Variants in ST3GAL3 observed in about 807,000 individuals in gnomAD.
The protein encoded by ST3GAL3 is CMP-N-acetylneuraminate-beta-1,4-galactoside alpha-2,3-sialyltransferase.
Under a neutral mutation model 50.1 loss-of-function variants are expected in ST3GAL3, and 21 were observed. The ratio of observed to expected loss-of-function variants is 0.42; its 90% CI spans 0.30 to 0.60. ST3GAL3 has a LOEUF of 0.60. Among genes scored for constraint, ST3GAL3 ranks in the 20% least tolerant of loss-of-function variants. The probability of loss-of-function intolerance (pLI) is 0.19; values close to 1 mark genes in which losing one functional copy is unlikely to be tolerated. For missense variants in ST3GAL3, 353 were observed against 489.4 expected (o/e 0.72, Z 2.63); for synonymous variants, 183 against 190.0 (o/e 0.96, Z 0.30).
intron 5 of ST3GAL3, chr1:43,858,451 A>T: frequency 6.0e-6 from 4 of 666,832 alleles, no homozygotes; most frequent in Non-Finnish European, 8.4e-6. Flanking sequence ...GGCTGGCTGC[A>T]TTCCTGTGGT....
chr1:43,887,528 G>A (rs1384226909), intron 5 of ST3GAL3, among the ~76,000 whole-genome samples: 1 of 152,190 alleles, frequency 6.6e-6, no homozygotes, highest in Admixed American at 6.5e-5. Context: ...AAGTGATGAA[G>A]AGTTTCAGAA....
intron 1 of ST3GAL3, among the ~76,000 whole-genome samples, chr1:43,713,487 T>A: frequency 6.6e-6 from 1 of 151,430 alleles, no homozygotes; most frequent in Non-Finnish European, 1.5e-5. Flanking sequence ...TCACTAGTCT[T>A]AAATCTCACT....
chr1:43,901,173 A>G (rs1558794974), intron 9 of ST3GAL3, among the ~76,000 whole-genome samples: 1 of 152,174 alleles, frequency 6.6e-6, no homozygotes, highest in Non-Finnish European at 1.5e-5. Context: ...GTCCTGGTGA[A>G]CCCCAGTGAG....
intron 4 of ST3GAL3, among the ~76,000 whole-genome samples, chr1:43,817,647 C>CCTCCTT (rs1558438822): frequency 4.0e-4 from 44 of 109,826 alleles, no homozygotes; most frequent in African/African-American, 1.9e-3. Flanking sequence ...TCCTTCTCCT[C>CCTCCTT]CTCCTCCTTC....
chr1:43,756,696 G>A (rs979474767), intron 2 of ST3GAL3, among the ~76,000 whole-genome samples: 6 of 152,118 alleles, frequency 3.9e-5, no homozygotes, highest in Non-Finnish European at 8.8e-5. Context: ...GATATGGTTG[G>A]ATAATTGTTT....
chr1:43,744,878 C>T (rs1682921046), intron 2 of ST3GAL3, among the ~76,000 whole-genome samples: 1 of 151,454 alleles, frequency 6.6e-6, no homozygotes, highest in Non-Finnish European at 1.5e-5. Flanking sequence ...GTAATCCCAG[C>T]TACTTGGGAG....
intron 5 of ST3GAL3, among the ~76,000 whole-genome samples, chr1:43,852,325 T>G (rs561496113): frequency 5.9e-5 from 9 of 152,292 alleles, no homozygotes; most frequent in Non-Finnish European, 4.4e-5. Flanking sequence ...AAATTTTGAG[T>G]TAGGTCTTTT....
intron 2 of ST3GAL3, among the ~76,000 whole-genome samples, chr1:43,791,654 A>G (rs1279745741): frequency 1.3e-5 from 2 of 152,208 alleles, no homozygotes; most frequent in African/African-American, 4.8e-5. Flanking sequence ...AAATTTCAAT[A>G]GGCCACTATA....
intron 5 of ST3GAL3, among the ~76,000 whole-genome samples, chr1:43,882,374 G>A (rs185540032): frequency 6.6e-6 from 1 of 152,194 alleles, no homozygotes; most frequent in Non-Finnish European, 1.5e-5. Context: ...GGCTGGAGAG[G>A]TAGACAGGAG....
At chr1:43,905,963 T>C (rs1571163122) in intron 9 of ST3GAL3, among the ~76,000 whole-genome samples, 2 of 31,830 alleles carry the variant, frequency 6.3e-5, no homozygotes, top group Non-Finnish European at 1.2e-4. Flanking sequence ...CCCACCACTC[T>C]CCCCTCTCCT....
At chr1:43,733,236 T>C (rs909975500) in intron 1 of ST3GAL3, among the ~76,000 whole-genome samples, 3 of 152,158 alleles carry the variant, frequency 2.0e-5, no homozygotes, top group East Asian at 1.9e-4. Flanking sequence ...CCTGGGCTCA[T>C]GCAGTCCTCC....
intron 4 of ST3GAL3, among the ~76,000 whole-genome samples, chr1:43,821,890 G>T (rs1471913938): frequency 6.6e-6 from 1 of 152,234 alleles, no homozygotes; most frequent in African/African-American, 2.4e-5. Flanking sequence ...GATTTGTTGA[G>T]CAACTAATAT....
rs151098796 is a variant in ST3GAL3, at chr1:43,708,510, A to G, written c.-31+817A>G. On this transcript the variant is annotated intron_variant, in intron 1 of 11. Transcript: ENST00000347631. Reference sequence around the variant, plus strand: ...GGTAGGAAAAAACTCTTATTAGGTTACTAAAAGTAAGATAGTCCCCATGAC... The same window carrying G: ...GGTAGGAAAAAACTCTTATTAGGTTGCTAAAAGTAAGATAGTCCCCATGAC... 2.0e-5 allele frequency among the ~76,000 whole-genome samples: 3 copies of G among 152,370 alleles called. No homozygotes were observed. In the East Asian group the frequency reaches 5.8e-4, roughly 29 times the overall value.
At chr1:43,739,091 G>A (rs1679720811) in intron 2 of ST3GAL3, 1 of 152,106 alleles carries the variant, frequency 6.6e-6, no homozygotes, top group African/African-American at 2.4e-5. Context: ...CATCTGAGGA[G>A]GTTGAGGACA....
intron 3 of ST3GAL3, among the ~76,000 whole-genome samples, chr1:43,805,508 A>T (rs1175024328): frequency 6.6e-6 from 1 of 152,246 alleles, no homozygotes; most frequent in Non-Finnish European, 1.5e-5. Context: ...ATTTAGGCTA[A>T]CAAGTTAGAT....
At chr1:43,719,299 A>G (rs1669107981) in intron 1 of ST3GAL3, among the ~76,000 whole-genome samples, 1 of 152,182 alleles carries the variant, frequency 6.6e-6, no homozygotes, top group South Asian at 2.1e-4. Context: ...GGGAGTGTAG[A>G]TCAAAACTAC....
intron 1 of ST3GAL3, among the ~76,000 whole-genome samples, chr1:43,716,865 C>T (rs1243203651): frequency 1.3e-5 from 2 of 152,216 alleles, no homozygotes; most frequent in Admixed American, 6.5e-5. Flanking sequence ...ACATCCCGTA[C>T]ATCCCCTCTT....
chr1:43,763,977 C>T (rs1167508836), intron 2 of ST3GAL3, among the ~76,000 whole-genome samples: 1 of 152,174 alleles, frequency 6.6e-6, no homozygotes, highest in East Asian at 1.9e-4. Context: ...ACGTTGAGTC[C>T]TGGCTATGTG....
intron 3 of ST3GAL3, among the ~76,000 whole-genome samples, chr1:43,808,813 G>A (rs1049038918): frequency 1.3e-5 from 2 of 152,188 alleles, no homozygotes; most frequent in African/African-American, 4.8e-5. Flanking sequence ...TCTGGGGAAA[G>A]AACCACTGGA....
Sources: allele counts gnomAD v4.1 joint callset (sites outside exome capture counted in the v4.1 genomes callset), GRCh38; gene constraint gnomAD v4.1.1; transcripts MANE v1.5; gene names NCBI Gene and HGNC (gene_info 2026-07-23, HGNC 2026-07-21).